The following DENND1A variants were observed in gnomAD, a reference collection of about 807,000 sequenced individuals.
The protein encoded by DENND1A is DENN domain-containing protein 1A.
DENND1A carries 51 observed loss-of-function variants against 113.7 expected under a neutral mutation model. That is an observed-to-expected ratio of 0.45 (90% CI 0.36 to 0.57). The LOEUF (loss-of-function observed/expected upper bound fraction) is 0.57. DENND1A is among the 20% of genes least tolerant of loss of function. The pLI is 0.00. For synonymous variants in DENND1A, 565 were observed against 570.8 expected (o/e 0.99, Z 0.14); for missense variants, 1,258 against 1,395.9 (o/e 0.90, Z 1.57).
intron 1 of DENND1A, among the ~76,000 whole-genome samples, chr9:123,897,555 C>G (rs1850954882): frequency 6.6e-6 from 1 of 152,114 alleles, no homozygotes; most frequent in African/African-American, 2.4e-5. Flanking sequence ...CACAGCAGAG[C>G]AGGGTTAAAT....
At chr9:123,835,151 C>T (rs1292472371) in intron 2 of DENND1A, among the ~76,000 whole-genome samples, 1 of 150,848 alleles carries the variant, frequency 6.6e-6, no homozygotes, top group Non-Finnish European at 1.5e-5. Context: ...CTATTATACT[C>T]GGTGAACTAA....
intron 1 of DENND1A, among the ~76,000 whole-genome samples, chr9:123,929,263 A>G (rs1857597283): frequency 6.6e-6 from 1 of 152,198 alleles, no homozygotes; most frequent in South Asian, 2.1e-4. Flanking sequence ...AAGCCTTTCC[A>G]ACGATTATCA....
At chr9:123,390,069 C>T (rs543693954) in intron 21 of DENND1A, among the ~76,000 whole-genome samples, 10 of 152,352 alleles carry the variant, frequency 6.6e-5, no homozygotes, top group East Asian at 5.8e-4. Context: ...CTCAGCTCAG[C>T]GGGACTTCTA....
At chr9:123,523,837 A>G (rs928844801) in intron 13 of DENND1A, among the ~76,000 whole-genome samples, 3 of 152,220 alleles carry the variant, frequency 2.0e-5, no homozygotes, top group African/African-American at 7.2e-5. Flanking sequence ...CTTTGAATCA[A>G]TATTATAGTT....
chr9:123,731,749 GT>G (rs1785086503), intron 5 of DENND1A, among the ~76,000 whole-genome samples: 1 of 152,118 alleles, frequency 6.6e-6, no homozygotes, highest in African/African-American at 2.4e-5. Context: ...AAAATCATTT[GT>G]TCTGTAGAAA....
intron 9 of DENND1A, among the ~76,000 whole-genome samples, chr9:123,649,968 C>T (rs1259507539): frequency 2.0e-5 from 3 of 152,182 alleles, no homozygotes; most frequent in Non-Finnish European, 4.4e-5. Context: ...TAGGACAGTG[C>T]ATGGCACACA....
intron 7 of DENND1A, among the ~76,000 whole-genome samples, chr9:123,667,613 G>T (rs1310288255): frequency 6.6e-6 from 1 of 152,144 alleles, no homozygotes; most frequent in East Asian, 1.9e-4. Flanking sequence ...ATGAAACTCT[G>T]TCTCTAAATA....
intron 20 of DENND1A, 74 bp from the exon 21 acceptor site, chr9:123,403,564 T>G (rs2043681276): frequency 7.3e-7 from 1 of 1,366,010 alleles, no homozygotes; most frequent in Non-Finnish European, 1.0e-6. Flanking sequence ...TCTGAACATT[T>G]GGATAAACGG....
chr9:123,487,673 G>C (rs186056411), intron 13 of DENND1A, among the ~76,000 whole-genome samples: 2 of 152,056 alleles, frequency 1.3e-5, no homozygotes, highest in Admixed American at 6.5e-5. Flanking sequence ...CTGGACAACA[G>C]AGACCACAGA....
intron 18 of DENND1A, among the ~76,000 whole-genome samples, chr9:123,447,727 A>T (rs3829852): frequency 0.049 from 7,484 of 151,856 alleles, 212 homozygotes; most frequent in East Asian, 0.073. Context: ...TATTAGAGGC[A>T]TCTGGGGAGT....
At chr9:123,388,489 A>G (rs2042679269) in intron 21 of DENND1A, among the ~76,000 whole-genome samples, 1 of 152,268 alleles carries the variant, frequency 6.6e-6, no homozygotes, top group East Asian at 1.9e-4. Context: ...AAAATAAAAA[A>G]GTTCAAGAAA....
At chr9:123,652,695 A>G (rs1393705038) in intron 8 of DENND1A, among the ~76,000 whole-genome samples, 1 of 152,206 alleles carries the variant, frequency 6.6e-6, no homozygotes, top group Non-Finnish European at 1.5e-5. Context: ...TTCACAGTTT[A>G]CATTTGCTAA....
At chr9:123,587,397 T>C (rs774304401) in intron 11 of DENND1A, among the ~76,000 whole-genome samples, 3 of 152,174 alleles carry the variant, frequency 2.0e-5, no homozygotes, top group Non-Finnish European at 2.9e-5. Context: ...GCAGTAACAA[T>C]TGCAACAAAA....
At chr9:123,637,917 A>G (rs73665314) in intron 9 of DENND1A, among the ~76,000 whole-genome samples, 258 of 74,184 alleles carry the variant, frequency 3.5e-3, no homozygotes, top group Non-Finnish European at 4.8e-3. Context: ...ATAAACACAC[A>G]CACACACACA....
chr9:123,655,061 C>T (rs7852243), intron 8 of DENND1A, among the ~76,000 whole-genome samples: 74,205 of 152,036 alleles, frequency 0.49, 20,598 homozygotes, highest in African/African-American at 0.77. Flanking sequence ...TGTAATTACT[C>T]CTGCTGTGTC....
chr9:123,562,746 G>C (rs928777188), intron 12 of DENND1A, among the ~76,000 whole-genome samples: 2 of 152,078 alleles, frequency 1.3e-5, no homozygotes, highest in African/African-American at 2.4e-5. Flanking sequence ...CCATTGCCTT[G>C]GGTTAAGGGA....
At chr9:123,470,828 C>T (rs1564549154) in intron 13 of DENND1A, among the ~76,000 whole-genome samples, 1 of 152,128 alleles carries the variant, frequency 6.6e-6, no homozygotes, top group African/African-American at 2.4e-5. Context: ...ATTTATTAGC[C>T]CCATGACTCC....
chr9:123,637,098 C>T (rs2061746245), intron 9 of DENND1A, among the ~76,000 whole-genome samples: 1 of 152,192 alleles, frequency 6.6e-6, no homozygotes, highest in African/African-American at 2.4e-5. Flanking sequence ...GGAAGACAAT[C>T]AGATGGTCAC....
chr9:123,464,914 C>T (rs1018656635), intron 13 of DENND1A, among the ~76,000 whole-genome samples: 3 of 146,252 alleles, frequency 2.1e-5, no homozygotes, highest in Non-Finnish European at 3.0e-5. Context: ...TGTGGGAGGC[C>T]GAGGCAGGCG....
Sources: allele counts gnomAD v4.1 joint callset (sites outside exome capture counted in the v4.1 genomes callset), GRCh38; gene constraint gnomAD v4.1.1; transcripts MANE v1.5; gene names NCBI Gene and HGNC (gene_info 2026-07-23, HGNC 2026-07-21).